The following SNX27 variants were observed in gnomAD, a reference collection of about 807,000 sequenced individuals.
SNX27 encodes sorting nexin 27, also known as sorting nexin-27.
Under a neutral mutation model 71.6 loss-of-function variants are expected in SNX27, and 22 were observed. That is an observed-to-expected ratio of 0.31 (90% confidence interval 0.22 to 0.44). The LOEUF is 0.44. SNX27 is among the 20% of genes least tolerant of loss of function. The pLI is 1.00. For missense variants in SNX27, 531 were observed against 698.6 expected, an observed-to-expected ratio of 0.76 and a Z score of 2.70; for synonymous variants, 269 against 277.2, an observed-to-expected ratio of 0.97 and a Z score of 0.29.
At position 151,693,717 on chromosome 1, in the gene SNX27, T is replaced by C. The variant is rs2102745714; in HGVS notation, c.1578+234T>C. ...TCTTCCCTTGTCTAGAGGGTGGACA[T>C]TGGCTACAGGCTCTTCCATCTCTCA... On this transcript the variant is annotated intron_variant, in intron 11 of 11. Coordinates refer to ENST00000458013, the MANE Select transcript of SNX27 (RefSeq NM_001330723.2). 3.7e-6 allele frequency: 6 copies of C among 1,604,508 alleles called. No individual in the cohort carries two copies. In the South Asian group the frequency reaches 4.4e-5, roughly 12 times the overall value.
intron 2 of SNX27, among the ~76,000 whole-genome samples, chr1:151,652,121 A>C (rs2102661947): frequency 6.6e-6 from 1 of 150,398 alleles, no homozygotes; most frequent in African/African-American, 2.4e-5. Flanking sequence ...GGGAGGTTGC[A>C]GTGAGCCGAG....
chr1:151,616,186 C>A (rs1223910844), intron 1 of SNX27, among the ~76,000 whole-genome samples: 1 of 152,144 alleles, frequency 6.6e-6, no homozygotes, highest in Non-Finnish European at 1.5e-5. Flanking sequence ...ACAAACAGAA[C>A]CAAAATAAAT....
chr1:151,647,570 A>G (rs2102650911), intron 2 of SNX27, among the ~76,000 whole-genome samples: 2 of 122,366 alleles, frequency 1.6e-5, no homozygotes, highest in Admixed American at 9.4e-5. Flanking sequence ...AACCTTGCAC[A>G]TATCTTACTG....
chr1:151,681,202 T>G (rs1393894965), intron 7 of SNX27, among the ~76,000 whole-genome samples: 1 of 150,234 alleles, frequency 6.7e-6, no homozygotes, highest in Non-Finnish European at 1.5e-5. Context: ...CATTGGTAGG[T>G]GACAGAACTA....
Position 151,698,583 on chromosome 1 carries a change from A to G in SNX27, c.*4166A>G, listed in dbSNP as rs1396123372. On this transcript the variant is annotated 3_prime_UTR_variant, in exon 12 of 12. Coordinates refer to ENST00000458013, the MANE Select transcript of SNX27 (RefSeq NM_001330723.2). ...AGTGGGTATGCTTCTCTAGCTCCCC[A>G]TCTTCCAGGTCCACCTCTTGACTTC... The G allele has an allele frequency of 1.3e-5, 2 of 152,308 alleles. No homozygotes were observed. Among genetic ancestry groups the G allele is most frequent in the African/African-American group, 2.4e-5 (1 of 41,458 alleles). 9.4% of individuals were successfully genotyped at this position (152,308 alleles called of 1,614,324 possible).
chr1:151,662,007 A>G (rs1669983077), intron 4 of SNX27, among the ~76,000 whole-genome samples, 159 bp from the exon 5 acceptor site: 1 of 151,104 alleles, frequency 6.6e-6, no homozygotes, highest in Non-Finnish European at 1.5e-5. Context: ...GCAGCCCTGA[A>G]GTCAGCTTTA....
chr1:151,646,892 C>CACACAT (rs1553258523), intron 2 of SNX27, among the ~76,000 whole-genome samples: 2 of 150,702 alleles, frequency 1.3e-5, no homozygotes, highest in African/African-American at 4.9e-5. Flanking sequence ...GACACACACA[C>CACACAT]ACACACACAC....
At chr1:151,658,746 C>T (rs1288187230) in intron 3 of SNX27, among the ~76,000 whole-genome samples, 2 of 151,976 alleles carry the variant, frequency 1.3e-5, no homozygotes, top group Admixed American at 6.6e-5. Flanking sequence ...TGCAGTGGCA[C>T]GATCTCAGCT....
intron 7 of SNX27, chr1:151,676,618 TTA>T (rs1444902433): frequency 6.6e-6 from 1 of 152,156 alleles, no homozygotes; most frequent in Admixed American, 6.5e-5. Context: ...GAATTTTGTT[TTA>T]GAGAAGTTTT....
At chr1:151,675,836 T>C (rs1670671450) in intron 7 of SNX27, 2 of 114,678 alleles carry the variant, frequency 1.7e-5, no homozygotes. Context: ...TTTTTTTTTT[T>C]TTTTTTTTTA....
At chr1:151,627,786 T>G (rs1420362636) in intron 1 of SNX27, among the ~76,000 whole-genome samples, 1 of 152,154 alleles carries the variant, frequency 6.6e-6, no homozygotes, top group Non-Finnish European at 1.5e-5. Flanking sequence ...ATGTCATATA[T>G]GCACCATTAC....
At chr1:151,674,705 T>C (rs571692281) in intron 7 of SNX27, among the ~76,000 whole-genome samples, 1 of 151,852 alleles carries the variant, frequency 6.6e-6, no homozygotes, top group South Asian at 2.1e-4. Context: ...TTTTTTTTTT[T>C]GAGACAAAGT....
intron 6 of SNX27, among the ~76,000 whole-genome samples, chr1:151,667,572 TC>T (rs1670252593): frequency 1.4e-5 from 2 of 143,422 alleles, no homozygotes; most frequent in Admixed American, 7.0e-5. Flanking sequence ...ACGCCTGTAA[TC>T]CCAGCACTTT....
chr1:151,617,677 G>A (rs1391865405), intron 1 of SNX27, among the ~76,000 whole-genome samples: 1 of 152,150 alleles, frequency 6.6e-6, no homozygotes, highest in Admixed American at 6.5e-5. Flanking sequence ...CAAATACTAT[G>A]TATTTGTTGT....
chr1:151,670,063 T>C (rs1463241676), intron 7 of SNX27, among the ~76,000 whole-genome samples: 1 of 152,078 alleles, frequency 6.6e-6, no homozygotes, highest in Non-Finnish European at 1.5e-5. Flanking sequence ...CTTCCCAGAG[T>C]CTGGTAACCA....
At chr1:151,668,774 C>T (rs1670328313) in intron 7 of SNX27, 139 bp downstream of exon 7, 2 of 613,230 alleles carry the variant, frequency 3.3e-6, no homozygotes, top group Admixed American at 7.6e-5. Flanking sequence ...TGTTCTATCC[C>T]ATTTCACGAA....
intron 8 of SNX27, among the ~76,000 whole-genome samples, chr1:151,688,552 A>C (rs1055648357): frequency 6.6e-6 from 1 of 151,466 alleles, no homozygotes; most frequent in Non-Finnish European, 1.5e-5. Flanking sequence ...GAATTGCTTG[A>C]ACCCGGGAGG....
chr1:151,693,810 A>G, intron 11 of SNX27: 1 of 1,445,666 alleles, frequency 6.9e-7, no homozygotes, highest in Non-Finnish European at 9.0e-7. Context: ...CCTGACCCAC[A>G]GGGGAAGCTG....
intron 1 of SNX27, among the ~76,000 whole-genome samples, chr1:151,619,129 T>C (rs1374948421): frequency 6.6e-6 from 1 of 152,002 alleles, no homozygotes; most frequent in African/African-American, 2.4e-5. Context: ...TCACTTGAGC[T>C]CAGGAATTCG....
Sources: gnomAD v4.1 joint callset for allele counts (sites outside exome capture counted in the v4.1 genomes callset) on GRCh38, gnomAD v4.1.1 for gene constraint, MANE v1.5 for transcripts, NCBI Gene and HGNC (gene_info 2026-07-23, HGNC 2026-07-21) for gene names.